The following MAGI2 variants were observed in gnomAD, a reference collection of about 807,000 sequenced individuals.
The protein encoded by MAGI2 is membrane-associated guanylate kinase, WW and PDZ domain-containing protein 2.
A neutral mutation model predicts 133.3 loss-of-function variants in MAGI2; 35 were observed. The ratio of observed to expected loss-of-function variants is 0.26; its 90% CI spans 0.20 to 0.35. The LOEUF is 0.35. Among genes scored for constraint, MAGI2 ranks in the 10% least tolerant of loss-of-function variants. MAGI2 has a pLI of 1.00. For synonymous variants in MAGI2, 729 were observed against 710.6 expected (o/e 1.03, Z -0.41); for missense variants, 1,636 against 1,863.4 (o/e 0.88, Z 2.25).
chr7:78,675,867 G>T (rs1814968385), intron 2 of MAGI2, among the ~76,000 whole-genome samples: 1 of 152,108 alleles, frequency 6.6e-6, no homozygotes, highest in Non-Finnish European at 1.5e-5. Flanking sequence ...AGGATTGTAG[G>T]ATGTGTCCAA....
intron 7 of MAGI2, among the ~76,000 whole-genome samples, chr7:78,361,935 T>C (rs1439794204): frequency 2.0e-5 from 3 of 152,132 alleles, no homozygotes; most frequent in Non-Finnish European, 4.4e-5. Context: ...CTCCAGATCT[T>C]GCCTGGATGG....
chr7:78,397,995 A>G lies in MAGI2; in HGVS notation c.1046-28782T>C, dbSNP rs945265766. ...AAAAATTAAACACTGTCTATAAAAT[A>G]TAAGGGACTAATTACAGATCAAAGA... On this transcript the variant is annotated intron_variant, in intron 6 of 21. Transcript: ENST00000354212. Among the ~76,000 whole-genome samples, 12 of 152,150 alleles carry G rather than the reference A, an allele frequency of 7.9e-5. 1 individual carries two copies. The highest frequency in any genetic ancestry group is 2.2e-4 in the African/African-American group (9 of 41,436).
chr7:78,192,393 T>G (rs11761167), intron 12 of MAGI2, among the ~76,000 whole-genome samples: 16,128 of 152,238 alleles, frequency 0.11, 1,186 homozygotes, highest in Non-Finnish European at 0.16. Context: ...AAAACCTATT[T>G]GAAGATGATG....
At chr7:79,345,096 C>T (rs73156048) in intron 1 of MAGI2, among the ~76,000 whole-genome samples, 46,744 of 151,764 alleles carry the variant, frequency 0.31, 7,440 homozygotes, top group Admixed American at 0.38. Flanking sequence ...GAAGTCCCAA[C>T]TCCAAGTACC....
At chr7:78,801,959 A>G (rs948141689) in intron 2 of MAGI2, among the ~76,000 whole-genome samples, 27 of 152,198 alleles carry the variant, frequency 1.8e-4, no homozygotes, top group African/African-American at 6.5e-4. Context: ...TGAGGTGAGC[A>G]GAGAATATCT....
At chr7:79,061,544 A>AG (rs1387037102) in intron 1 of MAGI2, among the ~76,000 whole-genome samples, 11 of 152,182 alleles carry the variant, frequency 7.2e-5, no homozygotes, top group African/African-American at 2.6e-4. Flanking sequence ...CTAGCTCTGA[A>AG]GTTTTTTTTG....
rs889632135 is a variant in MAGI2, at chr7:79,217,298, G to A, written c.302-210092C>T. 2.6e-5 allele frequency among the ~76,000 whole-genome samples: 4 copies of A among 151,906 alleles called. No homozygotes were observed. In the East Asian group the frequency reaches 7.7e-4, roughly 29 times the overall value. On this transcript the variant is annotated intron_variant, in intron 1 of 21. Transcript: ENST00000354212. ...TGAATGTAGTCAGTTTATTAAATAT[G>A]CTGATGGTGACAAAGGAAAATATAC...
chr7:79,386,453 T>A (rs1033853459), intron 1 of MAGI2, among the ~76,000 whole-genome samples: 6 of 152,024 alleles, frequency 3.9e-5, no homozygotes, highest in Admixed American at 2.0e-4. Context: ...TTGGCTGTGA[T>A]TGACAGCAGA....
intron 1 of MAGI2, among the ~76,000 whole-genome samples, chr7:79,084,345 T>C (rs974370458): frequency 4.6e-5 from 7 of 151,780 alleles, no homozygotes; most frequent in Non-Finnish European, 7.4e-5. Context: ...GTATGTTCTG[T>C]TTTCAATTTA....
chr7:78,169,949 A>G (rs1165988440), intron 14 of MAGI2, among the ~76,000 whole-genome samples: 1 of 152,226 alleles, frequency 6.6e-6, no homozygotes, highest in Non-Finnish European at 1.5e-5. Flanking sequence ...TCAACCCACT[A>G]TGGAGCACTT....
chr7:78,866,410 G>A (rs1350822308), intron 2 of MAGI2, among the ~76,000 whole-genome samples: 1 of 152,022 alleles, frequency 6.6e-6, no homozygotes, highest in Non-Finnish European at 1.5e-5. Context: ...CAGGAAATAT[G>A]GGCATAGATA....
intron 3 of MAGI2, among the ~76,000 whole-genome samples, chr7:78,542,187 C>A (rs1419888712): frequency 6.6e-6 from 1 of 152,112 alleles, no homozygotes; most frequent in Non-Finnish European, 1.5e-5. Context: ...AATGTAAAAG[C>A]CATTCTTACC....
intron 2 of MAGI2, among the ~76,000 whole-genome samples, chr7:78,639,392 G>C (rs1254352348): frequency 6.6e-6 from 1 of 152,048 alleles, no homozygotes; most frequent in Non-Finnish European, 1.5e-5. Flanking sequence ...AAATTATCAT[G>C]GAGGGAAGAA....
At chr7:78,833,412 G>A (rs955819723) in intron 2 of MAGI2, among the ~76,000 whole-genome samples, 2 of 152,072 alleles carry the variant, frequency 1.3e-5, no homozygotes, top group Non-Finnish European at 2.9e-5. Context: ...GGACCAGAAG[G>A]CAGTGACCCC....
chr7:78,236,062 C>G (rs376481750), intron 10 of MAGI2, among the ~76,000 whole-genome samples: 1 of 143,326 alleles, frequency 7.0e-6, no homozygotes, highest in South Asian at 2.2e-4. Context: ...AGGGCACTGT[C>G]GTATGGAAGG....
chr7:78,536,395 A>G (rs1487605232), intron 3 of MAGI2, among the ~76,000 whole-genome samples: 2 of 151,872 alleles, frequency 1.3e-5, no homozygotes, highest in Non-Finnish European at 2.9e-5. Context: ...TACAGGCGTG[A>G]GCCACCGCGC....
At chr7:78,512,501 G>A (rs1309130272) in intron 4 of MAGI2, among the ~76,000 whole-genome samples, 1 of 152,190 alleles carries the variant, frequency 6.6e-6, no homozygotes, top group African/African-American at 2.4e-5. Context: ...CGCCTCCCGG[G>A]TTCAAGCGAT....
chr7:78,053,398 C>T (rs766115045), intron 21 of MAGI2, among the ~76,000 whole-genome samples: 21 of 152,166 alleles, frequency 1.4e-4, no homozygotes, highest in Non-Finnish European at 2.6e-4. Flanking sequence ...GGGAATTCAG[C>T]GGGAGGGGCC....
At chr7:78,960,831 G>C (rs1042023099) in intron 2 of MAGI2, among the ~76,000 whole-genome samples, 1 of 152,040 alleles carries the variant, frequency 6.6e-6, no homozygotes, top group Non-Finnish European at 1.5e-5. Context: ...AGGAATCTAA[G>C]TACTTTCAGG....
Sources: gnomAD v4.1 joint callset for allele counts (sites outside exome capture counted in the v4.1 genomes callset) on GRCh38, gnomAD v4.1.1 for gene constraint, MANE v1.5 for transcripts, NCBI Gene and HGNC (gene_info 2026-07-23, HGNC 2026-07-21) for gene names.